MCTP1: variants seen among roughly 807,000 people sequenced by gnomAD.
MCTP1 encodes the protein multiple C2 and transmembrane domain-containing protein 1.
MCTP1 carries 69 observed loss-of-function variants against 120.6 expected under a neutral mutation model. The observed-to-expected ratio is 0.57, with a 90% CI of 0.47 to 0.70. MCTP1 has a LOEUF of 0.70. MCTP1 is among the 30% of genes least tolerant of loss of function. The probability of loss-of-function intolerance (pLI) is 0.00; values close to 1 mark genes in which losing one functional copy is unlikely to be tolerated. For missense variants in MCTP1, 1,203 were observed against 1,248.8 expected (o/e 0.96, Z 0.55); for synonymous variants, 529 against 493.1 (o/e 1.07, Z -0.96).
intron 3 of MCTP1, among the ~76,000 whole-genome samples, chr5:94,944,559 AC>A (rs1818476303): frequency 1.3e-5 from 2 of 152,172 alleles, no homozygotes; most frequent in South Asian, 4.1e-4. Flanking sequence ...CCTGAGGTTC[AC>A]CCACACACAT....
chr5:95,073,235 G>A (rs989625463), intron 1 of MCTP1, among the ~76,000 whole-genome samples: 1 of 152,112 alleles, frequency 6.6e-6, no homozygotes, highest in Non-Finnish European at 1.5e-5. Context: ...GAGAGACGGC[G>A]TCCACATTGT....
chr5:95,058,436 C>T (rs1747997396), intron 1 of MCTP1, among the ~76,000 whole-genome samples: 1 of 152,174 alleles, frequency 6.6e-6, no homozygotes. Context: ...TAAGTGAATT[C>T]CAGTCCTGGG....
intron 18 of MCTP1, among the ~76,000 whole-genome samples, chr5:94,787,333 C>T (rs1447243879): frequency 2.0e-5 from 3 of 152,126 alleles, no homozygotes; most frequent in Non-Finnish European, 4.4e-5. Flanking sequence ...TCTTTATATG[C>T]TTTTATTGAT....
intron 2 of MCTP1, among the ~76,000 whole-genome samples, chr5:94,993,565 T>C (rs1431630549): frequency 6.6e-6 from 1 of 152,168 alleles, no homozygotes; most frequent in Admixed American, 6.5e-5. Context: ...TTTTTCTCTC[T>C]CTCAAGATGG....
chr5:94,845,160 T>C (rs1369291994), intron 17 of MCTP1, among the ~76,000 whole-genome samples: 1 of 152,192 alleles, frequency 6.6e-6, no homozygotes, highest in African/African-American at 2.4e-5. Flanking sequence ...ATATTCATAC[T>C]GCTATGAAGA....
chr5:94,824,482 T>C (rs1222945114), intron 17 of MCTP1, among the ~76,000 whole-genome samples: 2 of 151,882 alleles, frequency 1.3e-5, no homozygotes, highest in Non-Finnish European at 2.9e-5. Flanking sequence ...CTCAGGAATA[T>C]TAGCCTGAAA....
At chr5:95,202,935 GC>G (rs1751234784) in intron 1 of MCTP1, among the ~76,000 whole-genome samples, 1 of 152,012 alleles carries the variant, frequency 6.6e-6, no homozygotes, top group African/African-American at 2.4e-5. Context: ...CACCGTGTTG[GC>G]CAGGCTGGTC....
chr5:94,994,468 T>C (rs1832221610), intron 2 of MCTP1, among the ~76,000 whole-genome samples: 2 of 152,218 alleles, frequency 1.3e-5, no homozygotes, highest in South Asian at 4.1e-4. Flanking sequence ...CATTTGTAGT[T>C]TGTCCTAGGA....
chr5:95,074,557 G>A (rs1753076981), intron 1 of MCTP1, among the ~76,000 whole-genome samples: 1 of 152,120 alleles, frequency 6.6e-6, no homozygotes. Flanking sequence ...TTTATTTTTA[G>A]GATCTGGAAA....
At chr5:94,771,824 A>C (rs1774147906) in intron 19 of MCTP1, among the ~76,000 whole-genome samples, 1 of 152,210 alleles carries the variant, frequency 6.6e-6, no homozygotes, top group Non-Finnish European at 1.5e-5. Flanking sequence ...GTGCTTGGAA[A>C]TCACAAATGT....
chr5:94,774,956 C>T (rs1248756172), intron 19 of MCTP1, among the ~76,000 whole-genome samples: 2 of 152,098 alleles, frequency 1.3e-5, no homozygotes, highest in African/African-American at 2.4e-5. Context: ...CCTCATAGTT[C>T]GTTTGAGATG....
intron 17 of MCTP1, among the ~76,000 whole-genome samples, chr5:94,866,758 TAGAATCA>T (rs1796896566): frequency 6.6e-6 from 1 of 151,638 alleles, no homozygotes. Flanking sequence ...TTTTTTTTTT[TAGAATCA>T]AAAGGAAATT....
chr5:95,149,448 G>A (rs923844818), intron 1 of MCTP1, among the ~76,000 whole-genome samples: 1 of 151,972 alleles, frequency 6.6e-6, no homozygotes, highest in Non-Finnish European at 1.5e-5. Context: ...ATACGGAGCT[G>A]TGCCCACCCA....
At chr5:95,123,775 G>T in intron 1 of MCTP1, among the ~76,000 whole-genome samples, 2 of 151,594 alleles carry the variant, frequency 1.3e-5, no homozygotes, top group Middle Eastern at 3.4e-3. Flanking sequence ...TCAGCCTCCC[G>T]AGTAGCTGGG....
chr5:95,281,849 C>T (rs755536004), intron 1 of MCTP1, among the ~76,000 whole-genome samples: 93 of 152,120 alleles, frequency 6.1e-4, no homozygotes, highest in Admixed American at 1.1e-3. Flanking sequence ...CCAGAATATA[C>T]GTAAACTTGC....
chr5:95,028,946 G>A (rs1385956442), intron 1 of MCTP1, among the ~76,000 whole-genome samples: 1 of 152,132 alleles, frequency 6.6e-6, no homozygotes, highest in African/African-American at 2.4e-5. Flanking sequence ...CGATCGTGAG[G>A]TCAGGAGTTC....
At chr5:94,988,311 C>CTT (rs5869663) in intron 2 of MCTP1, among the ~76,000 whole-genome samples, 12 of 150,986 alleles carry the variant, frequency 7.9e-5, no homozygotes, top group Non-Finnish European at 1.2e-4. Context: ...GATATTTAGG[C>CTT]TTTTTTTTTT....
At chr5:94,815,718 C>T (rs1784366600) in intron 17 of MCTP1, among the ~76,000 whole-genome samples, 1 of 152,168 alleles carries the variant, frequency 6.6e-6, no homozygotes, top group Admixed American at 6.6e-5. Context: ...TTCCTCTTTT[C>T]TAGCTTTAGA....
intron 1 of MCTP1, among the ~76,000 whole-genome samples, chr5:95,127,056 C>G (rs1758687705): frequency 6.6e-6 from 1 of 152,062 alleles, no homozygotes; most frequent in Non-Finnish European, 1.5e-5. Context: ...CATGAGAGAG[C>G]AATGCAAGAA....
Sources: gnomAD v4.1 joint callset for allele counts (sites outside exome capture counted in the v4.1 genomes callset) on GRCh38, gnomAD v4.1.1 for gene constraint, MANE v1.5 for transcripts, NCBI Gene and HGNC (gene_info 2026-07-23, HGNC 2026-07-21) for gene names.